Variants in SPSB4 observed in about 807,000 individuals in gnomAD.
The protein encoded by SPSB4 is SPRY domain-containing SOCS box protein 4.
Under a neutral mutation model 20.9 loss-of-function variants are expected in SPSB4, and 21 were observed. The observed-to-expected ratio is 1.01, with a 90% CI of 0.71 to 1.45. SPSB4 has a LOEUF of 1.45. Among genes scored for constraint, SPSB4 ranks in the 40% most tolerant of loss-of-function variants. The pLI, the probability that SPSB4 is intolerant of heterozygous loss-of-function variation, is 0.00. For synonymous variants in SPSB4, 207 were observed against 183.8 expected, an observed-to-expected ratio of 1.13 and a Z score of -1.02; for missense variants, 399 against 399.2, an observed-to-expected ratio of 1.00 and a Z score of 0.00.
At chr3:141,089,559 GA>G (rs141848862) in intron 2 of SPSB4, among the ~76,000 whole-genome samples, 3,458 of 152,270 alleles carry the variant, frequency 0.023, 218 homozygotes, top group East Asian at 0.14. Flanking sequence ...GGAGGGAGGA[GA>G]TGAGTGTGGG....
chr3:141,115,661 C>T (rs1049769988), intron 2 of SPSB4, among the ~76,000 whole-genome samples: 3 of 152,210 alleles, frequency 2.0e-5, no homozygotes, highest in Admixed American at 1.3e-4. Flanking sequence ...AATCATTTGC[C>T]TTGAAACTAG....
intron 2 of SPSB4, among the ~76,000 whole-genome samples, chr3:141,121,668 T>C (rs1938968842): frequency 6.6e-6 from 1 of 152,224 alleles, no homozygotes; most frequent in Non-Finnish European, 1.5e-5. Context: ...CATTTGATCT[T>C]CAATCACTGA....
At chr3:141,063,049 T>C (rs1477771323) in intron 1 of SPSB4, among the ~76,000 whole-genome samples, 2 of 152,236 alleles carry the variant, frequency 1.3e-5, no homozygotes, top group African/African-American at 4.8e-5. Flanking sequence ...GCTCTGAATT[T>C]TGGTGCTATT....
At chr3:141,136,366 G>T (rs1278711493) in intron 2 of SPSB4, among the ~76,000 whole-genome samples, 2 of 152,120 alleles carry the variant, frequency 1.3e-5, no homozygotes, top group Admixed American at 6.5e-5. Context: ...TGTCAATTTT[G>T]TCTTTTGTTG....
intron 2 of SPSB4, among the ~76,000 whole-genome samples, chr3:141,110,004 C>T (rs1337053389): frequency 6.6e-6 from 1 of 152,210 alleles, no homozygotes; most frequent in Non-Finnish European, 1.5e-5. Flanking sequence ...ATCTGTTGGC[C>T]TGAGGGAGAA....
In SPSB4 at chr3:141,141,794, A is replaced by G. The variant is rs948889489; in HGVS notation, c.695-5348A>G. On this transcript the variant is annotated intron_variant, in intron 2 of 2. Transcript: ENST00000310546. ...CTAGGAAGGTTGTATATTTCAAGAA[A>G]TTTTTCTATCTCCTTTAAATTTTCT... is the stretch of plus-strand genomic sequence containing the variant. Among the ~76,000 whole-genome samples the G allele has an allele frequency of 3.9e-5, 6 of 152,022 alleles. 1 individual carries two copies. Among genetic ancestry groups the G allele is most frequent in the Non-Finnish European group, 5.9e-5 (4 of 68,022 alleles).
intron 1 of SPSB4, among the ~76,000 whole-genome samples, chr3:141,060,877 T>C (rs188543055): frequency 7.9e-5 from 12 of 152,234 alleles, no homozygotes; most frequent in African/African-American, 2.7e-4. Flanking sequence ...ATACATTGAG[T>C]ATCTTTTCAA....
At chr3:141,127,052 A>G (rs1939059981) in intron 2 of SPSB4, among the ~76,000 whole-genome samples, 1 of 152,252 alleles carries the variant, frequency 6.6e-6, no homozygotes, top group South Asian at 2.1e-4. Context: ...CGAGGTCAAG[A>G]AGACCCAACA....
chr3:141,132,174 G>GTT (rs551279340), intron 2 of SPSB4: 478 of 365,368 alleles, frequency 1.3e-3, no homozygotes, highest in East Asian at 2.0e-3. Flanking sequence ...TTATATCTTT[G>GTT]TTTTTTTTTT....
rs755680392 is a variant in SPSB4 at position 141,147,580 on chromosome 3, G to A, written c.*311G>A. On this transcript the variant is annotated 3_prime_UTR_variant, in exon 3 of 3. Coordinates refer to ENST00000310546, the MANE Select transcript of SPSB4 (RefSeq NM_080862.3). The stretch of plus-strand genomic sequence containing the variant: ...CACAGCAGCCACCGTATTGATCAGA[G>A]AGCCTGTTTCCTTATTCAAGAGAAT... 8 of 305,734 alleles carry A rather than the reference G, an allele frequency of 2.6e-5. No homozygotes were observed. The highest frequency in any genetic ancestry group is 7.7e-5 in the South Asian group (1 of 12,908). The allele number at this position is 305,734 out of a possible 1,614,324, so 18.9% of individuals were successfully genotyped here. A position where few individuals can be genotyped will look rare whatever the true frequency, so the allele number is the denominator to read the frequency against.
chr3:141,074,609 C>T (rs950292570), intron 2 of SPSB4, among the ~76,000 whole-genome samples: 3 of 152,122 alleles, frequency 2.0e-5, no homozygotes, highest in Admixed American at 6.5e-5. Flanking sequence ...TCCCTGTGAG[C>T]GGTTTCCGGC....
chr3:141,102,261 C>A (rs1254780428), intron 2 of SPSB4, among the ~76,000 whole-genome samples: 1 of 152,144 alleles, frequency 6.6e-6, no homozygotes, highest in Non-Finnish European at 1.5e-5. Context: ...TGTGGCCAGG[C>A]CCTGTGCTAG....
chr3:141,116,683 G>A (rs1284431957), intron 2 of SPSB4, among the ~76,000 whole-genome samples: 4 of 152,198 alleles, frequency 2.6e-5, no homozygotes, highest in Non-Finnish European at 4.4e-5. Context: ...TTGTTATGAG[G>A]ATTAAATACA....
intron 2 of SPSB4, among the ~76,000 whole-genome samples, chr3:141,125,714 ACCT>A (rs1280081070): frequency 6.6e-6 from 1 of 151,938 alleles, no homozygotes. Context: ...CTCTGCAGAC[ACCT>A]CCTCCCTCTG....
rs529765419 is a variant in SPSB4 at position 141,051,696 on chromosome 3, GC to G, written c.-445del. ...GCGGCTAGAGCGCGGGCCTTGGAGC[GC>G]CCCCAGGATCGCTTCAGTAAGGCGC... On this transcript the variant is annotated 5_prime_UTR_variant, in exon 1 of 3. Coordinates refer to ENST00000310546, the MANE Select transcript of SPSB4 (RefSeq NM_080862.3). 8.2e-4 allele frequency: 125 copies of G among 152,180 alleles called. 1 individual carries two copies. The highest frequency in any genetic ancestry group is 2.8e-3 in the African/African-American group (118 of 41,536). The allele number at this position is 152,180 out of a possible 1,614,324, so 9.4% of individuals were successfully genotyped here. A position where few individuals can be genotyped will look rare whatever the true frequency, so the allele number is the denominator to read the frequency against.
chr3:141,098,208 G>A (rs1938571859), intron 2 of SPSB4, among the ~76,000 whole-genome samples: 1 of 152,196 alleles, frequency 6.6e-6, no homozygotes, highest in Non-Finnish European at 1.5e-5. Context: ...TTTAATAGCT[G>A]ATAGGACCAC....
chr3:141,120,733 C>A (rs1938952755), intron 2 of SPSB4, among the ~76,000 whole-genome samples: 2 of 152,082 alleles, frequency 1.3e-5, no homozygotes. Flanking sequence ...AGGATTGCGA[C>A]CCCTGCCTTT....
intron 2 of SPSB4, among the ~76,000 whole-genome samples, chr3:141,112,307 T>C (rs1938811697): frequency 6.6e-6 from 1 of 152,188 alleles, no homozygotes; most frequent in Non-Finnish European, 1.5e-5. Flanking sequence ...TAATATTTTC[T>C]CACAGCAAGT....
chr3:141,061,285 A>T (rs1937755341), intron 1 of SPSB4, among the ~76,000 whole-genome samples: 1 of 152,182 alleles, frequency 6.6e-6, no homozygotes, highest in African/African-American at 2.4e-5. Context: ...TAGACCAAAA[A>T]AAAAGAGAGA....
Sources: gnomAD v4.1 joint callset for allele counts (sites outside exome capture counted in the v4.1 genomes callset) on GRCh38, gnomAD v4.1.1 for gene constraint, MANE v1.5 for transcripts, NCBI Gene and HGNC (gene_info 2026-07-23, HGNC 2026-07-21) for gene names.